MAST4: variants seen among roughly 807,000 people sequenced by gnomAD.
The protein encoded by MAST4 is microtubule-associated serine/threonine-protein kinase 4.
Under a neutral mutation model 162.7 loss-of-function variants are expected in MAST4, and 89 were observed. The ratio of observed to expected loss-of-function variants is 0.55; its 90% CI spans 0.46 to 0.65. The LOEUF (loss-of-function observed/expected upper bound fraction) is 0.65, where lower values mean the gene tolerates loss of function less well. Ranked by LOEUF, MAST4 falls within the 30% of genes least tolerant of loss-of-function variation. The pLI, the probability that MAST4 is intolerant of heterozygous loss-of-function variation, is 0.00. For missense variants in MAST4, 3,153 were observed against 3,374.0 expected, an observed-to-expected ratio of 0.93 and a Z score of 1.62; for synonymous variants, 1,479 against 1,361.1, an observed-to-expected ratio of 1.09 and a Z score of -1.91.
chr5:66,711,974 G>A (rs906371856), intron 1 of MAST4, among the ~76,000 whole-genome samples: 7 of 152,182 alleles, frequency 4.6e-5, no homozygotes, highest in African/African-American at 1.2e-4. Flanking sequence ...ACCAGTTCAG[G>A]AGATTAGGAT....
chr5:67,121,135 T>TTC, intron 14 of MAST4, 33 bp downstream of exon 14: 1 of 1,447,246 alleles, frequency 6.9e-7, no homozygotes, highest in Non-Finnish European at 9.6e-7. Flanking sequence ...TCTATTGTAT[T>TTC]TCTACACACT....
intron 4 of MAST4, among the ~76,000 whole-genome samples, chr5:67,050,353 A>T (rs1044854849): frequency 6.6e-6 from 1 of 151,932 alleles, no homozygotes; most frequent in South Asian, 2.1e-4. Flanking sequence ...ACCTCATGTC[A>T]CTCCAAAGCA....
At chr5:66,614,955 C>T (rs1743570579) in intron 1 of MAST4, among the ~76,000 whole-genome samples, 1 of 152,126 alleles carries the variant, frequency 6.6e-6, no homozygotes, top group Non-Finnish European at 1.5e-5. Context: ...GCTGTTAAAT[C>T]TGGGTCTTTC....
intron 4 of MAST4, among the ~76,000 whole-genome samples, chr5:66,915,558 C>T (rs1163614017): frequency 6.6e-6 from 1 of 152,208 alleles, no homozygotes; most frequent in African/African-American, 2.4e-5. Flanking sequence ...TCTCTTTGGA[C>T]ATGGCATTGT....
intron 11 of MAST4, among the ~76,000 whole-genome samples, chr5:67,113,088 T>C (rs919392471): frequency 1.3e-5 from 2 of 151,892 alleles, no homozygotes; most frequent in Admixed American, 6.6e-5. Flanking sequence ...CCAAGGTGGG[T>C]GGATCACGAG....
At chr5:66,818,894 C>T (rs559315386) in intron 3 of MAST4, among the ~76,000 whole-genome samples, 33 of 152,178 alleles carry the variant, frequency 2.2e-4, no homozygotes, top group Non-Finnish European at 4.4e-4. Flanking sequence ...GTCTCACTTT[C>T]CTCATTGGTA....
chr5:66,853,694 C>G (rs1211966355), intron 3 of MAST4, among the ~76,000 whole-genome samples: 1 of 152,146 alleles, frequency 6.6e-6, no homozygotes, highest in Non-Finnish European at 1.5e-5. Flanking sequence ...TTTCAATTCA[C>G]TGCTTCATGG....
rs868649170 is a variant in MAST4 at position 66,753,513 on chromosome 5, C to G, written c.364-6196C>G. On this transcript the variant is annotated intron_variant, in intron 1 of 28. Transcript: ENST00000403625. ...AAATACAAACTACCATCAGAGAATACTACAAACACCTCGACGCAAATAAAC... is the reference window on the plus strand; with the variant it reads ...AAATACAAACTACCATCAGAGAATAGTACAAACACCTCGACGCAAATAAAC... 9.0e-3 allele frequency among the ~76,000 whole-genome samples: 1,365 copies of G among 151,884 alleles called. 26 individuals are homozygous for G. Among genetic ancestry groups the G allele is most frequent in the African/African-American group, 0.032 (1,306 of 41,302 alleles).
chr5:66,894,889 C>G (rs1762582806), intron 3 of MAST4, among the ~76,000 whole-genome samples: 1 of 152,054 alleles, frequency 6.6e-6, no homozygotes, highest in African/African-American at 2.4e-5. Context: ...CTTTTTCCTG[C>G]CCACTTGGAA....
At chr5:67,021,291 G>T (rs966698673) in intron 4 of MAST4, among the ~76,000 whole-genome samples, 2 of 152,104 alleles carry the variant, frequency 1.3e-5, no homozygotes, top group African/African-American at 4.8e-5. Flanking sequence ...ATTGAATGTT[G>T]TGCATGTTAC....
At chr5:66,749,390 C>T (rs890805048) in intron 1 of MAST4, among the ~76,000 whole-genome samples, 3 of 152,154 alleles carry the variant, frequency 2.0e-5, no homozygotes, top group African/African-American at 7.2e-5. Context: ...GGCGATCACA[C>T]CCTAGAATTC....
intron 4 of MAST4, among the ~76,000 whole-genome samples, chr5:67,006,192 C>G (rs1037871907): frequency 2.0e-5 from 3 of 152,110 alleles, no homozygotes; most frequent in African/African-American, 7.3e-5. Context: ...ATCACATGTG[C>G]ACCTGTGTGT....
intron 3 of MAST4, among the ~76,000 whole-genome samples, chr5:66,802,926 C>T (rs1171866001): frequency 6.6e-6 from 1 of 152,066 alleles, no homozygotes; most frequent in Non-Finnish European, 1.5e-5. Flanking sequence ...TGCTATCATC[C>T]TTAGCATATA....
At chr5:66,828,061 T>A (rs1010825920) in intron 3 of MAST4, among the ~76,000 whole-genome samples, 12 of 152,230 alleles carry the variant, frequency 7.9e-5, no homozygotes, top group African/African-American at 2.9e-4. Context: ...CAACTAATGA[T>A]GGCTCTTAGA....
chr5:67,132,837 A>C (rs1337204647), intron 16 of MAST4, among the ~76,000 whole-genome samples: 2 of 152,140 alleles, frequency 1.3e-5, no homozygotes, highest in Non-Finnish European at 2.9e-5. Context: ...AAAAAAATTC[A>C]TCTGCAGTAT....
intron 1 of MAST4, among the ~76,000 whole-genome samples, chr5:66,721,353 G>A (rs143168426): frequency 2.9e-3 from 443 of 152,072 alleles, no homozygotes; most frequent in Middle Eastern, 0.01. Flanking sequence ...CATAATCACC[G>A]CTCTCCACTG....
At chr5:67,053,740 A>G (rs1160890084) in intron 4 of MAST4, among the ~76,000 whole-genome samples, 1 of 152,140 alleles carries the variant, frequency 6.6e-6, no homozygotes, top group Non-Finnish European at 1.5e-5. Context: ...ATGTGTAGTA[A>G]TTTATTTCTA....
chr5:66,952,879 A>G (rs968130435), intron 4 of MAST4, among the ~76,000 whole-genome samples: 3 of 152,096 alleles, frequency 2.0e-5, no homozygotes, highest in African/African-American at 7.2e-5. Context: ...CCCACTGCCC[A>G]TCATCCTGTG....
intron 1 of MAST4, among the ~76,000 whole-genome samples, chr5:66,743,198 TTTC>T (rs1223218707): frequency 3.9e-5 from 6 of 152,194 alleles, no homozygotes; most frequent in Non-Finnish European, 8.8e-5. Context: ...TTCACAGCCT[TTTC>T]TTCTTTCTTT....
Sources: gnomAD v4.1 joint callset for allele counts (sites outside exome capture counted in the v4.1 genomes callset) on GRCh38, gnomAD v4.1.1 for gene constraint, MANE v1.5 for transcripts, NCBI Gene and HGNC (gene_info 2026-07-23, HGNC 2026-07-21) for gene names.